MAP4K4: variants seen among roughly 807,000 people sequenced by gnomAD.
The protein encoded by MAP4K4 is mitogen-activated protein kinase kinase kinase kinase 4.
Under a neutral mutation model 189.6 loss-of-function variants are expected in MAP4K4, and 38 were observed. That is an observed-to-expected ratio of 0.20 (90% confidence interval 0.15 to 0.26). The LOEUF is 0.26. Among genes scored for constraint, MAP4K4 ranks in the 10% least tolerant of loss-of-function variants. MAP4K4 has a pLI of 1.00. For synonymous variants in MAP4K4, 610 were observed against 624.3 expected (o/e 0.98, Z 0.34); for missense variants, 1,054 against 1,726.9 (o/e 0.61, Z 6.91).
At chr2:101,855,877 C>A in intron 12 of MAP4K4, 100 bp from the exon 13 acceptor site, 1 of 1,192,204 alleles carries the variant, frequency 8.4e-7, no homozygotes, top group Non-Finnish European at 1.2e-6. Flanking sequence ...TGAACCTCAC[C>A]TCATTAGTGT....
intron 2 of MAP4K4, among the ~76,000 whole-genome samples, chr2:101,727,883 C>G (rs1292307771): frequency 6.6e-6 from 1 of 152,164 alleles, no homozygotes; most frequent in Non-Finnish European, 1.5e-5. Context: ...GCAGGAGGAT[C>G]ACTTGAACCC....
intron 15 of MAP4K4, 79 bp downstream of exon 15, chr2:101,859,943 C>G (rs781355561): frequency 3.0e-6 from 4 of 1,344,744 alleles, no homozygotes; most frequent in Non-Finnish European, 4.2e-6. Flanking sequence ...CATATGAGTT[C>G]TAGAACGGGC....
intron 3 of MAP4K4, among the ~76,000 whole-genome samples, chr2:101,821,448 A>G (rs1233983289): frequency 2.6e-5 from 4 of 152,248 alleles, no homozygotes; most frequent in Non-Finnish European, 4.4e-5. Context: ...GACATGTACA[A>G]TATGCTACTG....
At position 101,868,903 on chromosome 2, in the gene MAP4K4, G is replaced by A. The variant is rs529445518; in HGVS notation, c.2464-719G>A. Among the ~76,000 whole-genome samples, 41 of 151,720 alleles carry A rather than the reference G, an allele frequency of 2.7e-4. 1 individual carries two copies. In the South Asian group the frequency reaches 8.1e-3, roughly 30 times the overall value. The stretch of plus-strand genomic sequence containing the variant: ...AACAAATGTATATACACAGATCCTT[G>A]AGCTTTGGTGTAAAGACACATGTCT... On this transcript the variant is annotated intron_variant, in intron 21 of 32. Coordinates refer to ENST00000324219, the Ensembl canonical transcript of MAP4K4.
chr2:101,774,143 T>C (rs904058334), intron 2 of MAP4K4, among the ~76,000 whole-genome samples: 1 of 152,200 alleles, frequency 6.6e-6, no homozygotes, highest in Non-Finnish European at 1.5e-5. Context: ...TCCAAATGGT[T>C]CTCCATAGTA....
chr2:101,800,242 A>C (rs2094232372), intron 3 of MAP4K4, among the ~76,000 whole-genome samples: 1 of 152,008 alleles, frequency 6.6e-6, no homozygotes, highest in Non-Finnish European at 1.5e-5. Flanking sequence ...AGATCTTCCC[A>C]CCTCAGCTTC....
intron 2 of MAP4K4, among the ~76,000 whole-genome samples, chr2:101,726,833 G>A (rs1311693308): frequency 6.6e-6 from 1 of 152,054 alleles, no homozygotes; most frequent in African/African-American, 2.4e-5. Context: ...CCTGAAACTG[G>A]GTAATTTATG....
chr2:101,841,469 CTT>C (rs1401236466), intron 10 of MAP4K4, among the ~76,000 whole-genome samples: 14 of 145,328 alleles, frequency 9.6e-5, no homozygotes, highest in African/African-American at 1.8e-4. Flanking sequence ...TGATTTTCAT[CTT>C]TTTTTTTTTT....
In MAP4K4 at chr2:101,749,131, C is replaced by G. The variant is rs1413171469; in HGVS notation, c.124-41589C>G. On this transcript the variant is annotated intron_variant, in intron 2 of 32. Transcript: ENST00000324219. ...TGCCATCCCCATCAAGCTACCAATG[C>G]CTTTCTTCACAGAATTGGAAAAAAC... Among the ~76,000 whole-genome samples the G allele has an allele frequency of 5.4e-4, 80 of 148,804 alleles. No individual in the cohort carries two copies. The East Asian group carries it at 0.012, about 22-fold the overall frequency.
chr2:101,772,841 A>G (rs2082138164), intron 2 of MAP4K4, among the ~76,000 whole-genome samples: 1 of 152,152 alleles, frequency 6.6e-6, no homozygotes, highest in Admixed American at 6.5e-5. Context: ...ACTCCTTGAT[A>G]TGGGTACAGA....
intron 26 of MAP4K4, among the ~76,000 whole-genome samples, chr2:101,876,740 G>T (rs2098217168): frequency 6.6e-6 from 1 of 152,166 alleles, no homozygotes; most frequent in Non-Finnish European, 1.5e-5. Context: ...GGATTATTAA[G>T]GAAATTGATG....
chr2:101,821,826 TA>T (rs529590276), intron 3 of MAP4K4, among the ~76,000 whole-genome samples: 1 of 152,250 alleles, frequency 6.6e-6, no homozygotes, highest in Non-Finnish European at 1.5e-5. Flanking sequence ...AATAACAGCT[TA>T]AAAAACTGCA....
chr2:101,882,174 T>G (rs1004598503), intron 27 of MAP4K4, among the ~76,000 whole-genome samples: 1 of 152,250 alleles, frequency 6.6e-6, no homozygotes, highest in Non-Finnish European at 1.5e-5. Flanking sequence ...ATTGTCAGTC[T>G]TTTGAATTCT....
chr2:101,704,316 C>G (rs111866632), intron 2 of MAP4K4, among the ~76,000 whole-genome samples: 3,009 of 152,060 alleles, frequency 0.02, 99 homozygotes, highest in African/African-American at 0.068. Flanking sequence ...AAGCCCTGCT[C>G]TCAAAGAGTT....
chr2:101,818,322 A>G (rs2095842770), intron 3 of MAP4K4, among the ~76,000 whole-genome samples: 1 of 152,144 alleles, frequency 6.6e-6, no homozygotes, highest in Non-Finnish European at 1.5e-5. Context: ...ATCTCATTTT[A>G]TCCGTCCTCT....
intron 28 of MAP4K4, among the ~76,000 whole-genome samples, chr2:101,884,295 G>T (rs1490891921): frequency 6.6e-6 from 1 of 152,150 alleles, no homozygotes; most frequent in African/African-American, 2.4e-5. Context: ...GTGTGCAATA[G>T]CCCCATGTGT....
At chr2:101,776,405 G>A (rs898345792) in intron 2 of MAP4K4, among the ~76,000 whole-genome samples, 6 of 151,988 alleles carry the variant, frequency 3.9e-5, no homozygotes, top group South Asian at 2.1e-4. Flanking sequence ...CTGGTCTAAC[G>A]GGGCAGTTCC....
chr2:101,730,487 G>A (rs557484044), intron 2 of MAP4K4, among the ~76,000 whole-genome samples: 1 of 152,260 alleles, frequency 6.6e-6, no homozygotes, highest in South Asian at 2.1e-4. Flanking sequence ...AGACACCCGT[G>A]TTTAAGAAGG....
chr2:101,704,021 AAAAT>A (rs2040554962), intron 2 of MAP4K4, among the ~76,000 whole-genome samples: 1 of 152,172 alleles, frequency 6.6e-6, no homozygotes, highest in African/African-American at 2.4e-5. Flanking sequence ...CCAAAAAGAA[AAAAT>A]AAAATAAAAA....
Sources: gnomAD v4.1 joint callset for allele counts (sites outside exome capture counted in the v4.1 genomes callset) on GRCh38, gnomAD v4.1.1 for gene constraint, MANE v1.5 for transcripts, NCBI Gene and HGNC (gene_info 2026-07-23, HGNC 2026-07-21) for gene names.